PCLO: variants seen among roughly 807,000 people sequenced by gnomAD.
PCLO encodes the protein piccolo presynaptic cytomatrix protein, also known as protein piccolo.
PCLO carries 82 observed loss-of-function variants against 427.5 expected under a neutral mutation model. The observed-to-expected ratio is 0.19, with a 90% CI of 0.16 to 0.23. PCLO has a LOEUF of 0.23. Among genes scored for constraint, PCLO ranks in the 10% least tolerant of loss-of-function variants. PCLO has a pLI of 1.00. For synonymous variants in PCLO, 2,357 were observed against 2,155.4 expected (o/e 1.09, Z -2.59); for missense variants, 6,239 against 6,115.9 (o/e 1.02, Z -0.67).
intron 6 of PCLO, among the ~76,000 whole-genome samples, chr7:82,942,223 T>C (rs1455097214): frequency 6.6e-6 from 1 of 152,182 alleles, no homozygotes; most frequent in Admixed American, 6.5e-5. Context: ...CTGAAATACA[T>C]AGGAATCTAA....
intron 3 of PCLO, among the ~76,000 whole-genome samples, chr7:83,115,498 CTTA>C (rs1376985617): frequency 2.0e-5 from 3 of 151,958 alleles, no homozygotes. Context: ...CTGTTAAAAC[CTTA>C]TTATAGTATT....
intron 3 of PCLO, among the ~76,000 whole-genome samples, chr7:83,054,490 G>C (rs1194922735): frequency 6.6e-6 from 1 of 152,006 alleles, no homozygotes; most frequent in Non-Finnish European, 1.5e-5. Context: ...AGAGGGCAAA[G>C]TCATTTTTTA....
intron 1 of PCLO, among the ~76,000 whole-genome samples, chr7:83,161,341 T>C (rs1279563223): frequency 6.6e-6 from 1 of 152,162 alleles, no homozygotes; most frequent in Non-Finnish European, 1.5e-5. Context: ...CCTTCAGTTG[T>C]CATAAAAGAG....
chr7:83,033,967 C>G (rs557277810), intron 3 of PCLO, among the ~76,000 whole-genome samples: 23 of 152,184 alleles, frequency 1.5e-4, no homozygotes, highest in Non-Finnish European at 2.9e-5. Flanking sequence ...TCATATTTAT[C>G]TTTTTCTTGT....
intron 3 of PCLO, among the ~76,000 whole-genome samples, chr7:82,969,264 T>C (rs1795850285): frequency 6.6e-6 from 1 of 152,144 alleles, no homozygotes; most frequent in African/African-American, 2.4e-5. Flanking sequence ...TCACATAAAA[T>C]ATTTCATTGT....
intron 3 of PCLO, among the ~76,000 whole-genome samples, chr7:83,059,556 A>T (rs192819438): frequency 6.6e-6 from 1 of 151,762 alleles, no homozygotes; most frequent in African/African-American, 2.4e-5. Flanking sequence ...TTGACAAAAA[A>T]TAAGAGAAAG....
chr7:82,892,314 C>G (rs1334962301), intron 9 of PCLO, among the ~76,000 whole-genome samples: 2 of 152,124 alleles, frequency 1.3e-5, no homozygotes, highest in East Asian at 3.9e-4. Context: ...CTGACAAAAA[C>G]AAGAAATGGG....
At chr7:83,005,628 T>A (rs979009695) in intron 3 of PCLO, among the ~76,000 whole-genome samples, 2 of 151,606 alleles carry the variant, frequency 1.3e-5, no homozygotes, top group Non-Finnish European at 3.0e-5. Context: ...AGTAACTATA[T>A]GAAGTGATGA....
At chr7:83,071,303 CTG>C (rs1789809889) in intron 3 of PCLO, among the ~76,000 whole-genome samples, 1 of 152,126 alleles carries the variant, frequency 6.6e-6, no homozygotes, top group South Asian at 2.1e-4. Flanking sequence ...ACTACTAAAA[CTG>C]TTTTAAAGTA....
intron 3 of PCLO, among the ~76,000 whole-genome samples, chr7:82,989,615 T>C (rs964458680): frequency 2.6e-5 from 4 of 152,218 alleles, no homozygotes; most frequent in African/African-American, 9.6e-5. Context: ...ATTAACTGTA[T>C]TTATTCTCAT....
intron 3 of PCLO, among the ~76,000 whole-genome samples, chr7:83,121,152 C>T (rs1791267270): frequency 9.0e-6 from 1 of 111,570 alleles, no homozygotes; most frequent in Admixed American, 8.4e-5. Context: ...AACAAACAAA[C>T]AAAAAACTTT....
intron 3 of PCLO, among the ~76,000 whole-genome samples, chr7:83,042,643 C>A (rs992414244): frequency 1.3e-5 from 2 of 152,040 alleles, no homozygotes; most frequent in African/African-American, 4.8e-5. Flanking sequence ...GGTGGATGAT[C>A]TGAGGTCAGG....
chr7:83,148,961 G>C (rs1400099615), intron 2 of PCLO, among the ~76,000 whole-genome samples: 5 of 152,074 alleles, frequency 3.3e-5, no homozygotes, highest in African/African-American at 1.2e-4. Context: ...ATAGTTCAGG[G>C]GATTTGACTC....
chr7:82,995,058 T>G (rs1169606933), intron 3 of PCLO, among the ~76,000 whole-genome samples: 1 of 151,926 alleles, frequency 6.6e-6, no homozygotes, highest in Non-Finnish European at 1.5e-5. Context: ...GCTGAGGTAA[T>G]TGAATATATG....
chr7:82,904,695 T>C (rs1315595146), intron 8 of PCLO, among the ~76,000 whole-genome samples: 1 of 152,046 alleles, frequency 6.6e-6, no homozygotes, highest in African/African-American at 2.4e-5. Context: ...ACAGTGCATC[T>C]ATCACACAGT....
intron 22 of PCLO, among the ~76,000 whole-genome samples, chr7:82,771,130 T>C (rs1790639004): frequency 6.6e-6 from 1 of 151,924 alleles, no homozygotes. Context: ...ACCATGATTG[T>C]AAGATCTCCT....
At chr7:82,783,426 A>G (rs964425746) in intron 22 of PCLO, among the ~76,000 whole-genome samples, 3 of 152,186 alleles carry the variant, frequency 2.0e-5, no homozygotes, top group Admixed American at 6.5e-5. Flanking sequence ...CATCCCGGCT[A>G]ACACGGTGAA....
At chr7:83,032,134 T>C (rs1273547710) in intron 3 of PCLO, among the ~76,000 whole-genome samples, 1 of 152,162 alleles carries the variant, frequency 6.6e-6, no homozygotes, top group Non-Finnish European at 1.5e-5. Context: ...CCCATGTCCC[T>C]GGTATCCCTT....
At chr7:82,867,914 C>T (rs1020367681) in intron 10 of PCLO, among the ~76,000 whole-genome samples, 3 of 152,132 alleles carry the variant, frequency 2.0e-5, no homozygotes, top group South Asian at 2.1e-4. Flanking sequence ...GATATCACTA[C>T]ATCTTGAAAA....
Sources: gnomAD v4.1 joint callset for allele counts (sites outside exome capture counted in the v4.1 genomes callset) on GRCh38, gnomAD v4.1.1 for gene constraint, MANE v1.5 for transcripts, NCBI Gene and HGNC (gene_info 2026-07-23, HGNC 2026-07-21) for gene names.